The following GPHN variants were observed in gnomAD, a reference collection of about 807,000 sequenced individuals.
The protein encoded by GPHN is gephyrin.
Under a neutral mutation model 95.5 loss-of-function variants are expected in GPHN, and 17 were observed. The ratio of observed to expected loss-of-function variants is 0.18; its 90% CI spans 0.12 to 0.27. The LOEUF (loss-of-function observed/expected upper bound fraction) is 0.27, where lower values mean the gene tolerates loss of function less well. Among genes scored for constraint, GPHN ranks in the 10% least tolerant of loss-of-function variants. The probability of loss-of-function intolerance (pLI) is 1.00; values close to 1 mark genes in which losing one functional copy is unlikely to be tolerated. For missense variants in GPHN, 660 were observed against 978.1 expected (o/e 0.67, Z 4.34); for synonymous variants, 320 against 322.5 (o/e 0.99, Z 0.08).
chr14:67,637,410 C>CAAAAAAAAAAAAAAAAAAAAAAAAAAAAA, the GPHN span, among the ~76,000 whole-genome samples: 2 of 103,620 alleles, frequency 1.9e-5, no homozygotes, highest in Non-Finnish European at 1.8e-5. Flanking sequence ...GACTCTGTCT[C>CAAAAAAAAAAAAAAAAAAAAAAAAAAAAA]AAAAAAAAAA....
chr14:67,028,734 T>C (rs2074045207), intron 10 of GPHN, among the ~76,000 whole-genome samples: 1 of 152,190 alleles, frequency 6.6e-6, no homozygotes, highest in African/African-American at 2.4e-5. Flanking sequence ...TGCTGTTTAG[T>C]TGTTTGAATT....
chr14:67,439,553 C>A, the GPHN span, among the ~76,000 whole-genome samples: 7 of 71,884 alleles, frequency 9.7e-5, no homozygotes, highest in South Asian at 3.4e-3. Context: ...TTCTTTCTTT[C>A]TTTCTTTCTT....
chr14:67,101,864 A>G (rs2077716437), intron 13 of GPHN, among the ~76,000 whole-genome samples: 1 of 150,532 alleles, frequency 6.6e-6, no homozygotes, highest in Non-Finnish European at 1.5e-5. Context: ...TTATTTATTT[A>G]TTTATTTATT....
intron 1 of GPHN, among the ~76,000 whole-genome samples, chr14:66,643,598 A>G (rs1403895117): frequency 6.6e-6 from 1 of 152,052 alleles, no homozygotes; most frequent in African/African-American, 2.4e-5. Flanking sequence ...TCATAAACTT[A>G]ATGTTCTGCA....
chr14:67,296,147 A>G, the GPHN span, among the ~76,000 whole-genome samples: 57 of 152,046 alleles, frequency 3.7e-4, no homozygotes, highest in African/African-American at 1.3e-3. Context: ...ATAGAAGGAA[A>G]TTTAATTTGC....
At chr14:67,549,808 A>C in the GPHN span, among the ~76,000 whole-genome samples, 2 of 152,258 alleles carry the variant, frequency 1.3e-5, no homozygotes, top group African/African-American at 2.4e-5. Context: ...TTCATCCACA[A>C]GCGCTTTCTT....
chr14:67,370,783 T>C, the GPHN span, among the ~76,000 whole-genome samples: 3 of 152,154 alleles, frequency 2.0e-5, no homozygotes, highest in African/African-American at 7.2e-5. Flanking sequence ...TCCAGCACTT[T>C]GGGAGGTTGA....
intron 2 of GPHN, among the ~76,000 whole-genome samples, chr14:66,775,557 A>C (rs1216321148): frequency 1.3e-5 from 2 of 152,212 alleles, no homozygotes; most frequent in African/African-American, 2.4e-5. Flanking sequence ...TCTGTTTTTC[A>C]TACTAAGTAT....
chr14:67,330,643 A>G, the GPHN span, among the ~76,000 whole-genome samples: 1 of 151,876 alleles, frequency 6.6e-6, no homozygotes, highest in African/African-American at 2.4e-5. Context: ...TTTTTAGTAG[A>G]GATGGGGTTT....
chr14:67,000,396 T>C (rs547057864), intron 9 of GPHN, among the ~76,000 whole-genome samples: 11 of 151,796 alleles, frequency 7.2e-5, no homozygotes, highest in African/African-American at 2.6e-4. Context: ...AACCACAAAC[T>C]GTTTAAACTG....
At chr14:66,996,630 G>A (rs1475479161) in intron 9 of GPHN, among the ~76,000 whole-genome samples, 14 of 152,118 alleles carry the variant, frequency 9.2e-5, no homozygotes, top group Admixed American at 9.2e-4. Flanking sequence ...ATTAGTGATT[G>A]TTGTGTCTCA....
chr14:67,359,285 C>A, the GPHN span, among the ~76,000 whole-genome samples: 6 of 152,210 alleles, frequency 3.9e-5, no homozygotes, highest in African/African-American at 1.4e-4. Context: ...AGACGAATGT[C>A]TGGCTACGTA....
intron 17 of GPHN, among the ~76,000 whole-genome samples, chr14:67,128,815 A>ATT (rs1157802353): frequency 2.9e-4 from 40 of 139,808 alleles, no homozygotes; most frequent in Non-Finnish European, 5.2e-4. Flanking sequence ...GGCGCTTCTA[A>ATT]TTTTTTTTTT....
the GPHN span, among the ~76,000 whole-genome samples, chr14:67,565,005 T>C: frequency 6.6e-6 from 1 of 152,110 alleles, no homozygotes; most frequent in Non-Finnish European, 1.5e-5. Context: ...ACCTGACATT[T>C]TCCATGATAA....
chr14:66,567,913 C>G (rs1041909264), intron 1 of GPHN, among the ~76,000 whole-genome samples: 3 of 152,050 alleles, frequency 2.0e-5, no homozygotes, highest in Admixed American at 6.6e-5. Context: ...TTAACGAGCT[C>G]AAGTTAGTGT....
intron 1 of GPHN, among the ~76,000 whole-genome samples, chr14:66,556,200 T>C (rs187192809): frequency 6.6e-6 from 1 of 152,314 alleles, no homozygotes; most frequent in African/African-American, 2.4e-5. Flanking sequence ...AATATGTCAT[T>C]ATGTGGTACA....
At chr14:67,094,469 TG>T (rs1431040903) in intron 12 of GPHN, among the ~76,000 whole-genome samples, 1 of 152,196 alleles carries the variant, frequency 6.6e-6, no homozygotes, top group African/African-American at 2.4e-5. Context: ...TTAGCAGATA[TG>T]TCAGAATTAC....
chr14:67,482,497 T>C, the GPHN span, among the ~76,000 whole-genome samples: 4 of 152,046 alleles, frequency 2.6e-5, no homozygotes, highest in Non-Finnish European at 5.9e-5. Flanking sequence ...TTCACTCCAC[T>C]CACTTCCCAA....
chr14:67,107,104 TG>T (rs1191355492), intron 13 of GPHN, among the ~76,000 whole-genome samples: 1 of 152,180 alleles, frequency 6.6e-6, no homozygotes, highest in Admixed American at 6.5e-5. Context: ...AGTACCTCAG[TG>T]GCCTAATCCA....
Sources: gnomAD v4.1 joint callset for allele counts (sites outside exome capture counted in the v4.1 genomes callset) on GRCh38, gnomAD v4.1.1 for gene constraint, MANE v1.5 for transcripts, NCBI Gene and HGNC (gene_info 2026-07-23, HGNC 2026-07-21) for gene names.